PSAP: variants seen among roughly 807,000 people sequenced by gnomAD.
PSAP encodes the protein prosaposin, also known as precursor of saposins.
In PSAP, 25 loss-of-function variants were observed where a neutral mutation model predicts 66.0. The observed-to-expected ratio is 0.38, with a 90% CI of 0.28 to 0.53. The LOEUF is 0.53. Ranked by LOEUF, PSAP falls within the 20% of genes least tolerant of loss-of-function variation. PSAP has a pLI of 0.83. For missense variants in PSAP, 649 were observed against 668.8 expected (o/e 0.97, Z 0.33); for synonymous variants, 273 against 258.9 (o/e 1.05, Z -0.52).
chr10:71,838,740 A>G (rs1282883871), intron 1 of PSAP, among the ~76,000 whole-genome samples: 1 of 152,140 alleles, frequency 6.6e-6, no homozygotes, highest in African/African-American at 2.4e-5. Flanking sequence ...TGGGCAATAA[A>G]GCCAGAGCCT....
rs571259318 is a variant in PSAP, at chr10:71,845,285, G to C, written c.40+5897C>G. Among the ~76,000 whole-genome samples the C allele has an allele frequency of 1.8e-4, 27 of 152,274 alleles. No homozygotes were observed. The South Asian group carries it at 5.6e-3, about 32-fold the overall frequency. On this transcript the variant is annotated intron_variant, in intron 1 of 13. Transcript: ENST00000394936. ...GAAGCTTCCAGTCACATGTATGGAAGGAAAAAGACCTAACGGGGAGGAAAA... is the reference window on the plus strand; with the variant it reads ...GAAGCTTCCAGTCACATGTATGGAACGAAAAAGACCTAACGGGGAGGAAAA...
rs535525554 is a variant in PSAP at position 71,834,434 on chromosome 10, T to A, written c.112A>T (p.Thr38Ser). ...GSAVWCQNVKTASDCGAVKHC... is the reference protein window; with the variant it reads ...GSAVWCQNVKSASDCGAVKHC... Reference sequence around the variant, plus strand: ...TTCACTGCCCCGCAGTCGGACGCCGTCTTCACATTCTGGCACCACACTGCC... The same window carrying A: ...TTCACTGCCCCGCAGTCGGACGCCGACTTCACATTCTGGCACCACACTGCC... Residue 38 changes from threonine to serine, a missense_variant, in exon 2 of 14, where the codon ACG becomes TCG. Transcript: ENST00000394936. The A allele has an allele frequency of 4.2e-5, 68 of 1,613,864 alleles. No homozygotes were observed. Among genetic ancestry groups the A allele is most frequent in the Non-Finnish European group, 5.3e-5 (63 of 1,179,992 alleles).
At chr10:71,839,390 C>T (rs1842688554) in intron 1 of PSAP, among the ~76,000 whole-genome samples, 1 of 152,082 alleles carries the variant, frequency 6.6e-6, no homozygotes, top group African/African-American at 2.4e-5. Context: ...TAGGCGCCTG[C>T]CACCATGCCC....
rs759580183 is a variant in PSAP at position 71,819,715 on chromosome 10, G to A, written c.1191C>T (p.Thr397=). 2.3e-5 allele frequency: 37 copies of A among 1,613,916 alleles called. No homozygotes were observed. Among genetic ancestry groups the A allele is most frequent in the East Asian group, 1.6e-4 (7 of 44,884 alleles). The stretch of plus-strand genomic sequence containing the variant: ...TCCCGCACCACACCCAGCGCTCACC[G>A]GTCAGTGCAGGCAGCCGCGTGCCAG... ...LCSGTRLPAL[T]VHVTQPKDGG... The change falls in exon 10 of 14, where the codon ACC becomes ACT. Residue 397 remains threonine (T), a splice_region_variant and synonymous_variant. Coordinates refer to ENST00000394936, the MANE Select transcript of PSAP (RefSeq NM_002778.4).
intron 1 of PSAP, among the ~76,000 whole-genome samples, chr10:71,850,089 A>G (rs1042120761): frequency 2.0e-5 from 3 of 152,140 alleles, no homozygotes; most frequent in Non-Finnish European, 4.4e-5. Context: ...ACCCCAAAAT[A>G]TATTTCCTTG....
intron 1 of PSAP, among the ~76,000 whole-genome samples, chr10:71,843,253 A>T (rs182863710): frequency 6.6e-6 from 1 of 152,306 alleles, no homozygotes; most frequent in African/African-American, 2.4e-5. Context: ...ATCTCTGAGC[A>T]CCAAGAAGGA....
chr10:71,826,501 AC>A, intron 6 of PSAP, among the ~76,000 whole-genome samples: 1 of 152,322 alleles, frequency 6.6e-6, no homozygotes, highest in East Asian at 1.9e-4. Flanking sequence ...TTATGCAAAG[AC>A]ACTTAAAATG....
rs1414451734 is a variant in PSAP at position 71,817,420 on chromosome 10, C to T, written c.*21G>A. The T allele has an allele frequency of 6.2e-7, 1 of 1,613,630 alleles. No homozygotes were observed. The highest frequency in any genetic ancestry group is 2.2e-5 in the East Asian group (1 of 44,888). The stretch of plus-strand genomic sequence containing the variant: ...AAAAAACCAATGCTGTGGTTTCTGC[C>T]AAGATGGAATATTCCTCCTCCTAGT... On this transcript the variant is annotated 3_prime_UTR_variant, in exon 14 of 14. Transcript: ENST00000394936.
chr10:71,850,887 C>A (rs1842915276), intron 1 of PSAP, among the ~76,000 whole-genome samples: 1 of 152,246 alleles, frequency 6.6e-6, no homozygotes, highest in South Asian at 2.1e-4. Context: ...GTGGGAAGCG[C>A]AGCCTGAGGG....
Position 71,834,421 on chromosome 10 carries a change from C to T in PSAP, c.125G>A (p.Cys42Tyr), listed in dbSNP as rs1171277739. 2 of 1,613,924 alleles carry T rather than the reference C, an allele frequency of 1.2e-6. No homozygotes were observed. The highest frequency in any genetic ancestry group is 1.1e-5 in the South Asian group (1 of 91,062). Reference protein sequence around the residue: ...WCQNVKTASDCGAVKHCLQTV... With the variant: ...WCQNVKTASDYGAVKHCLQTV... Reference sequence around the variant, plus strand: ...CTGCAGGCAGTGCTTCACTGCCCCGCAGTCGGACGCCGTCTTCACATTCTG... The same window carrying T: ...CTGCAGGCAGTGCTTCACTGCCCCGTAGTCGGACGCCGTCTTCACATTCTG... The change falls in exon 2 of 14, where the codon TGC becomes TAC. Residue 42 changes from cysteine to tyrosine, a missense_variant. Physicochemically the swap from Cys to Tyr is radical, Grantham distance 194. Transcript: ENST00000394936.
chr10:71,824,725 T>C (rs1842368793), intron 7 of PSAP, among the ~76,000 whole-genome samples: 1 of 152,260 alleles, frequency 6.6e-6, no homozygotes, highest in Non-Finnish European at 1.5e-5. Flanking sequence ...AACCCGTTGA[T>C]ATATTCTGAA....
chr10:71,818,967 C>T (rs141056351), intron 12 of PSAP, 64 bp downstream of exon 12: 15 of 1,471,580 alleles, frequency 1.0e-5, no homozygotes, highest in East Asian at 9.2e-5. Context: ...GCAACCCTTC[C>T]GGGTCTCTGC....
intron 6 of PSAP, among the ~76,000 whole-genome samples, chr10:71,827,749 G>A (rs1314480079): frequency 1.3e-5 from 2 of 151,818 alleles, no homozygotes; most frequent in Admixed American, 6.6e-5. Flanking sequence ...AAAAAATGGG[G>A]GCAAAAAGTA....
chr10:71,836,299 C>T (rs1029249382), intron 1 of PSAP, among the ~76,000 whole-genome samples: 6 of 152,128 alleles, frequency 3.9e-5, no homozygotes, highest in Non-Finnish European at 7.4e-5. Flanking sequence ...GCTTAGTTAG[C>T]CCGCAGTGTA....
chr10:71,822,031 G>A, intron 7 of PSAP, 24 bp from the exon 8 acceptor site: 5 of 1,614,030 alleles, frequency 3.1e-6, no homozygotes, highest in Non-Finnish European at 4.2e-6. Context: ...AGAACAACCA[G>A]TCAGCAGCAA....
chr10:71,827,543 A>C (rs1029969345), intron 6 of PSAP, among the ~76,000 whole-genome samples: 4 of 152,054 alleles, frequency 2.6e-5, no homozygotes, highest in African/African-American at 9.7e-5. Flanking sequence ...CCTGACAAAC[A>C]CGGTGAAACC....
chr10:71,850,851 CCCTACAAGACTCACCCACCCCCACAGTG>C (rs1842914381), intron 1 of PSAP, among the ~76,000 whole-genome samples: 1 of 152,260 alleles, frequency 6.6e-6, no homozygotes, highest in African/African-American at 2.4e-5. Flanking sequence ...CAAGGGGTCA[CCCTACAAGACTCACCCACCCCCACAGTG>C]GGAAGCGCAG....
At chr10:71,847,647 CAAAAA>C (rs771414790) in intron 1 of PSAP, among the ~76,000 whole-genome samples, 1 of 126,108 alleles carries the variant, frequency 7.9e-6, no homozygotes, top group Non-Finnish European at 1.7e-5. Context: ...CTTTCTGCTC[CAAAAA>C]AAAAAAAAAG....
chr10:71,840,404 G>A (rs1842714254), intron 1 of PSAP, among the ~76,000 whole-genome samples: 1 of 152,190 alleles, frequency 6.6e-6, no homozygotes, highest in Non-Finnish European at 1.5e-5. Context: ...AAGAGCAGGA[G>A]ATAATGCAAT....
Sources: allele counts gnomAD v4.1 joint callset (sites outside exome capture counted in the v4.1 genomes callset), GRCh38; gene constraint gnomAD v4.1.1; transcripts MANE v1.5; gene names NCBI Gene and HGNC (gene_info 2026-07-23, HGNC 2026-07-21).